The following RASIP1 variants were observed in gnomAD, a reference collection of about 807,000 sequenced individuals.
The protein encoded by RASIP1 is Ras interacting protein 1.
Under a neutral mutation model 85.3 loss-of-function variants are expected in RASIP1, and 20 were observed. The observed-to-expected ratio is 0.23, with a 90% CI of 0.17 to 0.34. The LOEUF (loss-of-function observed/expected upper bound fraction) is 0.34, where lower values mean the gene tolerates loss of function less well. RASIP1 is among the 10% of genes least tolerant of loss of function. RASIP1 has a pLI of 1.00. For missense variants in RASIP1, 1,170 were observed against 1,390.9 expected (o/e 0.84, Z 2.53); for synonymous variants, 617 against 647.1 (o/e 0.95, Z 0.71).
At chr19:48,733,659 T>C (rs1667498500) in intron 4 of RASIP1, among the ~76,000 whole-genome samples, 2 of 152,224 alleles carry the variant, frequency 1.3e-5, no homozygotes, top group South Asian at 4.2e-4. Flanking sequence ...ATGCAAAATT[T>C]AGCTGGGCAT....
rs1197931604 is a variant in RASIP1, at chr19:48,724,659, A to T, written c.2371+58T>A. On this transcript the variant is annotated intron_variant, in intron 9 of 11. Coordinates refer to ENST00000222145, the MANE Select transcript of RASIP1 (RefSeq NM_017805.3). This position sits in a 1 kb window ranked among gnomAD's most constrained non-coding sequence, Gnocchi z 4.6. ...TTGAGCCCGTGGTGTGTCTAATATG[A>T]CCTGAGTCTCAGTGGCTCCTGTCTT... 5.0e-6 allele frequency: 8 copies of T among 1,604,970 alleles called. No homozygotes were observed. In the East Asian group the frequency reaches 1.6e-4, roughly 31 times the overall value.
Position 48,739,205 on chromosome 19 carries a change from G to A in RASIP1, c.578C>T (p.Pro193Leu). Residue 193 changes from proline (P) to leucine (L), a missense_variant, in exon 3 of 12, where the codon CCC becomes CTC. Around this residue, in one of 4 missense-constraint regions of RASIP1, gnomAD observed 299 missense variants for 394.4 expected, o/e 0.76. Coordinates refer to ENST00000222145, the MANE Select transcript of RASIP1 (RefSeq NM_017805.3). This position sits in a 1 kb window ranked among gnomAD's most constrained non-coding sequence, Gnocchi z 9.2. ...YGLAGSPGGG[P>L]GESSCVDAFA... ...GGCGTCCACGCAGCTGCTCTCGCCG[G>A]GGCCACCGCCGGGGCTGCCTGCTAG... 1 of 1,479,744 alleles carries A rather than the reference G, an allele frequency of 6.8e-7. No homozygotes were observed. Among genetic ancestry groups the A allele is most frequent in the African/African-American group, 1.5e-5 (1 of 68,298 alleles). 91.7% of individuals were successfully genotyped at this position (1,479,744 alleles called of 1,614,324 possible). A position where few individuals can be genotyped will look rare whatever the true frequency, so the allele number is the denominator to read the frequency against.
At chr19:48,722,641 C>T (rs535850988) in intron 10 of RASIP1, among the ~76,000 whole-genome samples, 2 of 152,240 alleles carry the variant, frequency 1.3e-5, no homozygotes, top group South Asian at 4.1e-4. Flanking sequence ...ACAATGTCTA[C>T]ACCTGATGTA....
intron 5 of RASIP1, among the ~76,000 whole-genome samples, chr19:48,728,725 G>A (rs1447291488): frequency 6.6e-6 from 1 of 152,194 alleles, no homozygotes; most frequent in Non-Finnish European, 1.5e-5. Context: ...GACCGCCACT[G>A]CACTCCAGCC....
rs1260120424 is a variant in RASIP1, at chr19:48,740,579, C to T, written c.-63G>A. ...GCTCCACTGGCCTGGGTCAGTTCCA[C>T]TGCTCTTGCCTCTGCCACGGCTCCC... On this transcript the variant is annotated 5_prime_UTR_variant, in exon 1 of 12. It adds an upstream start codon to the 5' untranslated region. Coordinates refer to ENST00000222145, the MANE Select transcript of RASIP1 (RefSeq NM_017805.3). This position sits in a 1 kb window ranked among gnomAD's most constrained non-coding sequence, Gnocchi z 5.5. 1 of 1,386,488 alleles carries T rather than the reference C, an allele frequency of 7.2e-7. No homozygotes were observed. Among genetic ancestry groups the T allele is most frequent in the Admixed American group, 3.1e-5 (1 of 32,032 alleles). The allele number at this position is 1,386,488 out of a possible 1,614,324, so 85.9% of individuals were successfully genotyped here.
intron 4 of RASIP1, 119 bp from the exon 5 acceptor site, chr19:48,729,709 CTTTTTTTTTTT>C (rs35424254): frequency 7.1e-5 from 27 of 381,368 alleles, no homozygotes; most frequent in Non-Finnish European, 1.1e-4. Flanking sequence ...CCTTCTTCTT[CTTTTTTTTTTT>C]TTTTTTTTTT....
rs576389028 is a variant in RASIP1 at position 48,728,852 on chromosome 19, T to C, written c.1833+85A>G. On this transcript the variant is annotated intron_variant, in intron 5 of 11. Coordinates refer to ENST00000222145, the MANE Select transcript of RASIP1 (RefSeq NM_017805.3). ...GGAACAGTAGTATCCAGCCCAGCTATGAAAAGGGTTGAAGGTAGGGAAGGG... is the reference window on the plus strand; with the variant it reads ...GGAACAGTAGTATCCAGCCCAGCTACGAAAAGGGTTGAAGGTAGGGAAGGG... The C allele has an allele frequency of 2.3e-5, 30 of 1,305,572 alleles. No homozygotes were observed. In the East Asian group the frequency reaches 7.7e-4, roughly 34 times the overall value. The allele number at this position is 1,305,572 out of a possible 1,614,324, so 80.9% of individuals were successfully genotyped here.
chr19:48,739,591 C>T lies in RASIP1; in HGVS notation c.192G>A (p.Pro64=). The T allele has an allele frequency of 1.3e-6, 2 of 1,484,084 alleles. No homozygotes were observed. Among genetic ancestry groups the T allele is most frequent in the East Asian group, 5.3e-5 (2 of 37,762 alleles). 91.9% of individuals were successfully genotyped at this position (1,484,084 alleles called of 1,614,324 possible). ...CCACTCGCCGCAGCTCCACGTGCGG[C>T]GGGGGCGGAGGTAGCGGCTCGCTGC... ...SRSSEPLPPP[P]PHVELRRVGA... is the part of the protein sequence containing the mutation. Residue 64 remains proline, a synonymous_variant, in exon 3 of 12, where the codon CCG becomes CCA. Coordinates refer to ENST00000222145, the MANE Select transcript of RASIP1 (RefSeq NM_017805.3). The surrounding 1 kb of genome is among the most constrained non-coding windows in gnomAD (Gnocchi z 9.2).
In RASIP1 at chr19:48,737,619, C is replaced by T. The variant is rs991462897; in HGVS notation, c.823+1341G>A. 5 of 985,462 alleles carry T rather than the reference C, an allele frequency of 5.1e-6. No individual in the cohort carries two copies. In the East Asian group the frequency reaches 4.5e-4, roughly 89 times the overall value. The allele number at this position is 985,462 out of a possible 1,614,324, so 61.0% of individuals were successfully genotyped here. A position where few individuals can be genotyped will look rare whatever the true frequency, so the allele number is the denominator to read the frequency against. On this transcript the variant is annotated intron_variant, in intron 3 of 11. Transcript: ENST00000222145. ...GTCCCAGCAGGCCTGATCTAGGAAC[C>T]TGTATTCACTCACTCTGCAGGTGTC...
At chr19:48,728,786 A>AAACG in intron 5 of RASIP1, 151 bp downstream of exon 5, 1 of 956,980 alleles carries the variant, frequency 1.0e-6, no homozygotes, top group Non-Finnish European at 1.4e-6. Context: ...ACAAACAAAC[A>AAACG]AACAAAACCC....
chr19:48,726,620 G>A (rs1264405301), intron 8 of RASIP1, among the ~76,000 whole-genome samples, 165 bp downstream of exon 8: 1 of 152,216 alleles, frequency 6.6e-6, no homozygotes, highest in East Asian at 1.9e-4. Flanking sequence ...TGGGTGAGAT[G>A]GGATGTCATG....
In RASIP1 at chr19:48,720,682, C is replaced by T. The variant is rs2033210000; in HGVS notation, c.*116G>A. On this transcript the variant is annotated 3_prime_UTR_variant, in exon 12 of 12. Coordinates refer to ENST00000222145, the MANE Select transcript of RASIP1 (RefSeq NM_017805.3). Reference sequence around the variant, plus strand: ...GCTACTTCCCGAAAACTCAATCTCCCAACATTCCACGCGGGATAAGAACTA... The same window carrying T: ...GCTACTTCCCGAAAACTCAATCTCCTAACATTCCACGCGGGATAAGAACTA... The T allele has an allele frequency of 1.7e-6, 2 of 1,211,880 alleles. No individual in the cohort carries two copies. Among genetic ancestry groups the T allele is most frequent in the Admixed American group, 2.0e-5 (1 of 51,256 alleles). 75.1% of individuals were successfully genotyped at this position (1,211,880 alleles called of 1,614,324 possible).
intron 4 of RASIP1, among the ~76,000 whole-genome samples, chr19:48,731,603 T>C (rs1398582330): frequency 1.3e-5 from 2 of 152,166 alleles, no homozygotes; most frequent in Non-Finnish European, 2.9e-5. Flanking sequence ...CTCCATTCCA[T>C]AAATGTAGAA....
chr19:48,736,880 A>G (rs1428815814), intron 3 of RASIP1, among the ~76,000 whole-genome samples: 1 of 152,084 alleles, frequency 6.6e-6, no homozygotes, highest in Non-Finnish European at 1.5e-5. Flanking sequence ...TACTCAAAAT[A>G]CAAAAAATCA....
At chr19:48,727,356 C>A (rs746416022) in intron 6 of RASIP1, 37 bp downstream of exon 6, 3 of 1,608,642 alleles carry the variant, frequency 1.9e-6, no homozygotes, top group Non-Finnish European at 2.6e-6. Context: ...CCAACCCCTG[C>A]ATCCCTCCAG....
In RASIP1 at chr19:48,721,839, C is replaced by G; in HGVS notation, c.2692+15G>C. On this transcript the variant is annotated intron_variant, in intron 11 of 11. Transcript: ENST00000222145. ...AAAGCTGACAGCCCCAATGCTGTAT[C>G]CCATTGCTCCTCACCTGTGTCCACA... The G allele has an allele frequency of 6.3e-7, 1 of 1,598,362 alleles. No individual in the cohort carries two copies. Among genetic ancestry groups the G allele is most frequent in the Non-Finnish European group, 8.5e-7 (1 of 1,173,508 alleles).
At chr19:48,737,312 A>C (rs547446084) in intron 3 of RASIP1, 2 of 265,806 alleles carry the variant, frequency 7.5e-6, no homozygotes, top group East Asian at 1.8e-4. Context: ...TTGAATTGCT[A>C]CAACATTCTA....
intron 8 of RASIP1, chr19:48,725,184 CT>C (rs2033322092): frequency 3.8e-6 from 2 of 529,312 alleles, no homozygotes; most frequent in South Asian, 4.8e-5. Flanking sequence ...CATTGTGGGA[CT>C]TGTAGTTCTC....
intron 3 of RASIP1, among the ~76,000 whole-genome samples, chr19:48,736,714 C>T (rs1359609756): frequency 6.6e-6 from 1 of 152,124 alleles, no homozygotes; most frequent in Non-Finnish European, 1.5e-5. Context: ...TGTCAACGTC[C>T]CCACTGTATT....
Sources: gnomAD v4.1 joint callset for allele counts (sites outside exome capture counted in the v4.1 genomes callset) on GRCh38, gnomAD v4.1.1 for gene constraint, gnomAD v4.1.1 regional missense constraint, Gnocchi (gnomAD v3.1) non-coding constraint, MANE v1.5 for transcripts, NCBI Gene and HGNC (gene_info 2026-07-23, HGNC 2026-07-21) for gene names.